FHOD3: variants seen among roughly 807,000 people sequenced by gnomAD.
FHOD3 encodes FH1/FH2 domain-containing protein 3.
A neutral mutation model predicts 173.0 loss-of-function variants in FHOD3; 90 were observed. That is an observed-to-expected ratio of 0.52 (90% CI 0.44 to 0.62). The LOEUF (loss-of-function observed/expected upper bound fraction) is 0.62. FHOD3 is among the 20% of genes least tolerant of loss of function. The pLI is 0.00. For synonymous variants in FHOD3, 828 were observed against 823.0 expected, an observed-to-expected ratio of 1.01 and a Z score of -0.10; for missense variants, 1,945 against 2,034.7, an observed-to-expected ratio of 0.96 and a Z score of 0.85.
In FHOD3 at chr18:36,780,058, A is replaced by T. The variant is rs780871173; in HGVS notation, c.*528A>T. 25 of 997,028 alleles carry T rather than the reference A, an allele frequency of 2.5e-5. No individual in the cohort carries two copies. Among genetic ancestry groups the T allele is most frequent in the Non-Finnish European group, 3.1e-5 (24 of 773,266 alleles). 61.8% of individuals were successfully genotyped at this position (997,028 alleles called of 1,614,324 possible). Reference sequence around the variant, plus strand: ...CTAAATAAATAGAGTTTAATGCCATAATGAGAAACTTTTATTCTTCTGGGA... The same window carrying T: ...CTAAATAAATAGAGTTTAATGCCATTATGAGAAACTTTTATTCTTCTGGGA... On this transcript the variant is annotated 3_prime_UTR_variant, in exon 29 of 29. Coordinates refer to ENST00000590592, the MANE Select transcript of FHOD3 (RefSeq NM_001281740.3).
chr18:36,331,257 G>A (rs2044991313), intron 1 of FHOD3, among the ~76,000 whole-genome samples: 1 of 152,180 alleles, frequency 6.6e-6, no homozygotes, highest in South Asian at 2.1e-4. Context: ...TTCAAGAGGG[G>A]GGTTTTAGTC....
At chr18:36,370,829 A>G (rs751856012) in intron 2 of FHOD3, among the ~76,000 whole-genome samples, 29 of 152,102 alleles carry the variant, frequency 1.9e-4, no homozygotes, top group Admixed American at 5.2e-4. Context: ...GGGTTCACTG[A>G]TTTTCTGCTC....
At chr18:36,743,134 C>T (rs1471463937) in intron 22 of FHOD3, among the ~76,000 whole-genome samples, 2 of 151,870 alleles carry the variant, frequency 1.3e-5, no homozygotes. Flanking sequence ...ACGGTGAAAC[C>T]CTGTCTCTAC....
intron 5 of FHOD3, among the ~76,000 whole-genome samples, chr18:36,539,994 C>T (rs1219339103): frequency 6.6e-6 from 1 of 152,138 alleles, no homozygotes; most frequent in Non-Finnish European, 1.5e-5. Context: ...GGCTTCATGT[C>T]GCCTGTATTT....
chr18:36,521,912 C>T (rs113376783), intron 5 of FHOD3, among the ~76,000 whole-genome samples: 26 of 152,348 alleles, frequency 1.7e-4, no homozygotes, highest in African/African-American at 6.3e-4. Flanking sequence ...ACCTTGGCAT[C>T]TGCCTACAAG....
At chr18:36,511,278 G>A (rs982182028) in intron 4 of FHOD3, among the ~76,000 whole-genome samples, 1 of 151,954 alleles carries the variant, frequency 6.6e-6, no homozygotes, top group East Asian at 1.9e-4. Flanking sequence ...GAAAACAATG[G>A]TGGAAAAATC....
In FHOD3 at chr18:36,619,606, T is replaced by C. The variant is rs530965547; in HGVS notation, c.958-5905T>C. 7.9e-5 allele frequency among the ~76,000 whole-genome samples: 12 copies of C among 152,366 alleles called. No individual in the cohort carries two copies. The East Asian group carries it at 2.1e-3, about 27-fold the overall frequency. On this transcript the variant is annotated intron_variant, in intron 9 of 28. Coordinates refer to ENST00000590592, the MANE Select transcript of FHOD3 (RefSeq NM_001281740.3). ...TTGCACTATCTTCCTATTCATTTGC[T>C]TGTCTATTACTTTGTTCATTCCACA...
intron 10 of FHOD3, among the ~76,000 whole-genome samples, chr18:36,631,812 T>C (rs2034534696): frequency 6.6e-6 from 1 of 152,230 alleles, no homozygotes; most frequent in Non-Finnish European, 1.5e-5. Flanking sequence ...AATAAATACA[T>C]GCTGAGTACT....
At chr18:36,638,656 A>G (rs1001354921) in intron 10 of FHOD3, among the ~76,000 whole-genome samples, 5 of 152,148 alleles carry the variant, frequency 3.3e-5, no homozygotes, top group African/African-American at 1.2e-4. Flanking sequence ...TTCAGGTTCT[A>G]CCCCAGAACA....
chr18:36,575,548 T>C (rs1391936141), intron 5 of FHOD3, among the ~76,000 whole-genome samples: 1 of 152,244 alleles, frequency 6.6e-6, no homozygotes, highest in African/African-American at 2.4e-5. Context: ...TTCTGTATTT[T>C]TCTAATTTTC....
chr18:36,303,154 C>G (rs1411540843), intron 1 of FHOD3, among the ~76,000 whole-genome samples: 1 of 152,224 alleles, frequency 6.6e-6, no homozygotes, highest in African/African-American at 2.4e-5. Context: ...CACAACAACT[C>G]TAGCAGGCAG....
intron 5 of FHOD3, among the ~76,000 whole-genome samples, chr18:36,570,701 G>A (rs1463413564): frequency 6.6e-6 from 1 of 152,054 alleles, no homozygotes; most frequent in African/African-American, 2.4e-5. Flanking sequence ...AAGGATGCAA[G>A]ACTCATTGAG....
Position 36,746,948 on chromosome 18 carries a change from G to T in FHOD3, c.4045G>T (p.Asp1349Tyr). 1.9e-6 allele frequency: 3 copies of T among 1,606,076 alleles called. No homozygotes were observed. The South Asian group carries it at 3.3e-5, about 18-fold the overall frequency. Residue 1349 changes from aspartate (D) to tyrosine (Y), a missense_variant, in exon 24 of 29, where the codon GAC becomes TAC. Physicochemically the swap from Asp to Tyr is radical, Grantham distance 160 (BLOSUM62 -3). Coordinates refer to ENST00000590592, the MANE Select transcript of FHOD3 (RefSeq NM_001281740.3). Reference protein sequence around the residue: ...IGAITRSAKVDFDQLQDNLCQ... With the variant: ...IGAITRSAKVYFDQLQDNLCQ... ...GTGTTCTCGCTCTGATTTTCAGGTT[G>T]ACTTTGATCAACTTCAGGATAATTT...
chr18:36,436,154 C>T lies in FHOD3; in HGVS notation c.337+63410C>T, dbSNP rs540140935. On this transcript the variant is annotated intron_variant, in intron 3 of 28. Transcript: ENST00000590592. ...GGAAGCTAATTATAAACTGATATTGCATGCTGAGGTATGACAGTTACCTAT... is the reference window on the plus strand; with the variant it reads ...GGAAGCTAATTATAAACTGATATTGTATGCTGAGGTATGACAGTTACCTAT... Among the ~76,000 whole-genome samples the T allele has an allele frequency of 4.2e-4, 64 of 152,218 alleles. 1 individual carries two copies. The South Asian group carries it at 0.013, about 32-fold the overall frequency.
chr18:36,329,390 G>A (rs2044859019), intron 1 of FHOD3, among the ~76,000 whole-genome samples: 1 of 152,132 alleles, frequency 6.6e-6, no homozygotes, highest in African/African-American at 2.4e-5. Flanking sequence ...TGGTGTTCAT[G>A]GCTCTTCCCA....
rs114877156 is a variant in FHOD3, at chr18:36,314,943, G to A, written c.165+16943G>A. On this transcript the variant is annotated intron_variant, in intron 1 of 28. Transcript: ENST00000590592. ...AGGAACACACAAGGAAGTTAAATGT[G>A]CAATCATGCTTGACGTCCGAGGAAG... Among the ~76,000 whole-genome samples the A allele has an allele frequency of 9.4e-3, 1,439 of 152,306 alleles. 15 individuals carry two copies. The highest frequency in any genetic ancestry group is 0.033 in the African/African-American group (1,356 of 41,560).
intron 14 of FHOD3, among the ~76,000 whole-genome samples, chr18:36,669,741 A>G (rs1395823476): frequency 2.0e-5 from 3 of 151,956 alleles, no homozygotes; most frequent in Non-Finnish European, 4.4e-5. Context: ...TGTAAACTCC[A>G]CAATACATTG....
Position 36,474,759 on chromosome 18 carries a change from C to T in FHOD3, c.338-27173C>T, listed in dbSNP as rs72891776. Among the ~76,000 whole-genome samples the T allele has an allele frequency of 7.1e-3, 1,082 of 152,196 alleles. 15 individuals are homozygous for T. The highest frequency in any genetic ancestry group is 0.069 in the South Asian group (332 of 4,816). On this transcript the variant is annotated intron_variant, in intron 3 of 28. Coordinates refer to ENST00000590592, the MANE Select transcript of FHOD3 (RefSeq NM_001281740.3). ...GCGTTAGACTGATGCAGCCTGAGCT[C>T]CTGGGGCAGGAGCGGTTCACAGAGC...
intron 5 of FHOD3, among the ~76,000 whole-genome samples, chr18:36,563,008 A>G: frequency 6.6e-6 from 1 of 152,180 alleles, no homozygotes; most frequent in East Asian, 1.9e-4. Context: ...CGCAGGACAC[A>G]GTTTATGTGG....
Sources: allele counts gnomAD v4.1 joint callset (sites outside exome capture counted in the v4.1 genomes callset), GRCh38; gene constraint gnomAD v4.1.1; transcripts MANE v1.5; gene names NCBI Gene and HGNC (gene_info 2026-07-23, HGNC 2026-07-21).